FOXO1: variants seen among roughly 807,000 people sequenced by gnomAD.
FOXO1 encodes the protein forkhead box protein O1.
FOXO1 carries 6 observed loss-of-function variants against 44.1 expected under a neutral mutation model. The ratio of observed to expected loss-of-function variants is 0.14; its 90% confidence interval spans 0.07 to 0.27. The LOEUF (loss-of-function observed/expected upper bound fraction) is 0.27. Among genes scored for constraint, FOXO1 ranks in the 10% least tolerant of loss-of-function variants. The pLI is 1.00. For missense variants in FOXO1, 737 were observed against 888.8 expected (o/e 0.83, Z 2.17); for synonymous variants, 380 against 362.7 (o/e 1.05, Z -0.54).
intron 1 of FOXO1, among the ~76,000 whole-genome samples, chr13:40,565,146 T>TGG (rs1239626032): frequency 1.3e-5 from 2 of 152,242 alleles, no homozygotes; most frequent in Non-Finnish European, 2.9e-5. Context: ...AAGGAAGATA[T>TGG]GGTGTCTTAC....
intron 1 of FOXO1, among the ~76,000 whole-genome samples, chr13:40,636,826 G>A (rs537867139): frequency 2.0e-5 from 3 of 152,242 alleles, no homozygotes; most frequent in African/African-American, 4.8e-5. Flanking sequence ...TTTAAAAGAA[G>A]GAAATAACAA....
intron 1 of FOXO1, among the ~76,000 whole-genome samples, chr13:40,586,546 A>G (rs1439532590): frequency 1.3e-5 from 2 of 152,202 alleles, no homozygotes; most frequent in African/African-American, 4.8e-5. Context: ...GTCTGGAATA[A>G]AAGGCACCAA....
At chr13:40,651,716 A>G (rs892451282) in intron 1 of FOXO1, among the ~76,000 whole-genome samples, 2 of 151,136 alleles carry the variant, frequency 1.3e-5, no homozygotes, top group African/African-American at 2.4e-5. Flanking sequence ...AATATACATC[A>G]TATTTATAAT....
intron 1 of FOXO1, among the ~76,000 whole-genome samples, chr13:40,653,458 TA>T (rs1008042987): frequency 1.3e-5 from 2 of 151,992 alleles, no homozygotes; most frequent in Non-Finnish European, 2.9e-5. Flanking sequence ...ATTTTTTAAT[TA>T]AAAAAGGAAA....
chr13:40,611,448 G>A (rs1876226616), intron 1 of FOXO1, among the ~76,000 whole-genome samples: 1 of 152,190 alleles, frequency 6.6e-6, no homozygotes, highest in African/African-American at 2.4e-5. Context: ...TCCTCAGTGT[G>A]TAATACAAAT....
chr13:40,565,552 G>A (rs565852791), intron 1 of FOXO1, among the ~76,000 whole-genome samples: 2 of 152,122 alleles, frequency 1.3e-5, no homozygotes, highest in Non-Finnish European at 2.9e-5. Context: ...CGGTGGGGGG[G>A]CATGCCTGAC....
Position 40,560,188 on chromosome 13 carries a change from G to A in FOXO1, c.1303C>T (p.Pro435Ser). 1 of 1,614,142 alleles carries A rather than the reference G, an allele frequency of 6.2e-7. No individual in the cohort carries two copies. Among genetic ancestry groups the A allele is most frequent in the South Asian group, 1.1e-5 (1 of 91,084 alleles). Residue 435 changes from proline to serine, a missense_variant, in exon 2 of 3, where the codon CCC becomes TCC. Around this residue, in one of 7 missense-constraint regions of FOXO1, gnomAD observed 283 missense variants for 278.1 expected, o/e 1.02. Transcript: ENST00000379561. The surrounding 1 kb of genome is among the most constrained non-coding windows in gnomAD (Gnocchi z 5.1). ...TGAAGTGTTTGTATAGGCATCTGGG[G>A]CAAAGGGCTCATGCTGGATTGGCCA... The part of the protein sequence containing the change: ...TYGQSSMSPL[P>S]QMPIQTLQDN...
At chr13:40,622,290 T>C (rs539608419) in intron 1 of FOXO1, among the ~76,000 whole-genome samples, 1 of 152,338 alleles carries the variant, frequency 6.6e-6, no homozygotes, top group South Asian at 2.1e-4. Context: ...ACTTGGAGGC[T>C]AAATATTTCC....
intron 1 of FOXO1, among the ~76,000 whole-genome samples, chr13:40,600,458 A>C (rs1268480394): frequency 6.6e-6 from 1 of 151,976 alleles, no homozygotes; most frequent in Non-Finnish European, 1.5e-5. Flanking sequence ...GAGTATGATA[A>C]AAATCAAAGA....
At chr13:40,640,898 C>A (rs1296025158) in intron 1 of FOXO1, among the ~76,000 whole-genome samples, 1 of 152,106 alleles carries the variant, frequency 6.6e-6, no homozygotes, top group Admixed American at 6.5e-5. Context: ...ATTCTCCTGC[C>A]TCAGCCTCCC....
At chr13:40,581,452 T>C (rs761934303) in intron 1 of FOXO1, among the ~76,000 whole-genome samples, 3 of 152,334 alleles carry the variant, frequency 2.0e-5, no homozygotes, top group Non-Finnish European at 2.9e-5. Context: ...TGTTTTATGC[T>C]ACAAATCTTA....
chr13:40,581,240 A>G (rs1182667313), intron 1 of FOXO1, among the ~76,000 whole-genome samples: 1 of 152,206 alleles, frequency 6.6e-6, no homozygotes, highest in Non-Finnish European at 1.5e-5. Flanking sequence ...AAGGGGAGCG[A>G]GCACAAACAG....
intron 1 of FOXO1, among the ~76,000 whole-genome samples, chr13:40,607,013 C>T (rs113141577): frequency 7.6e-4 from 116 of 152,246 alleles, no homozygotes; most frequent in African/African-American, 2.7e-3. Flanking sequence ...AGTTAGGCCC[C>T]CAAAAAATAT....
chr13:40,599,507 A>G (rs1875739081), intron 1 of FOXO1, among the ~76,000 whole-genome samples: 1 of 152,214 alleles, frequency 6.6e-6, no homozygotes, highest in Non-Finnish European at 1.5e-5. Context: ...ACCCTGTGAA[A>G]CCACCACTCA....
intron 1 of FOXO1, among the ~76,000 whole-genome samples, chr13:40,577,497 G>A (rs1352581407): frequency 6.6e-6 from 1 of 152,072 alleles, no homozygotes; most frequent in African/African-American, 2.4e-5. Context: ...TGTAGAATGG[G>A]TCACAGAGTC....
At chr13:40,565,542 C>T (rs902444568) in intron 1 of FOXO1, among the ~76,000 whole-genome samples, 2 of 152,086 alleles carry the variant, frequency 1.3e-5, no homozygotes, top group Admixed American at 6.6e-5. Flanking sequence ...ATCCCTGGGG[C>T]GGTGGGGGGG....
chr13:40,621,287 G>C, intron 1 of FOXO1: 1 of 758,154 alleles, frequency 1.3e-6, no homozygotes, highest in South Asian at 1.9e-5. Flanking sequence ...GGCTCTCAGA[G>C]AATTTCACTT....
At chr13:40,581,118 T>C (rs1874939911) in intron 1 of FOXO1, among the ~76,000 whole-genome samples, 1 of 152,216 alleles carries the variant, frequency 6.6e-6, no homozygotes, top group Non-Finnish European at 1.5e-5. Context: ...CTTTAGACTT[T>C]TCTGGGACAC....
intron 1 of FOXO1, among the ~76,000 whole-genome samples, chr13:40,626,203 T>C (rs1175520576): frequency 6.6e-6 from 1 of 152,162 alleles, no homozygotes; most frequent in East Asian, 1.9e-4. Flanking sequence ...GAATAACAAA[T>C]CCTAGCCAGC....
Sources: gnomAD v4.1 joint callset for allele counts (sites outside exome capture counted in the v4.1 genomes callset) on GRCh38, gnomAD v4.1.1 for gene constraint, gnomAD v4.1.1 regional missense constraint, Gnocchi (gnomAD v3.1) non-coding constraint, MANE v1.5 for transcripts, NCBI Gene and HGNC (gene_info 2026-07-23, HGNC 2026-07-21) for gene names.